TEAD1: variants seen among roughly 807,000 people sequenced by gnomAD.
TEAD1 encodes TEA domain transcription factor 1, also known as transcriptional enhancer factor TEF-1.
In TEAD1, 9 loss-of-function variants were observed where a neutral mutation model predicts 54.9. The observed-to-expected ratio is 0.16, with a 90% CI of 0.10 to 0.29. The LOEUF is 0.29. TEAD1 is among the 10% of genes least tolerant of loss of function. TEAD1 has a pLI of 1.00. For synonymous variants in TEAD1, 200 were observed against 187.8 expected (o/e 1.07, Z -0.53); for missense variants, 387 against 535.9 (o/e 0.72, Z 2.74).
In TEAD1 at chr11:12,904,754, A is replaced by G. The variant is rs527576102; in HGVS notation, c.873+2641A>G. On this transcript the variant is annotated intron_variant, in intron 10 of 12. Transcript: ENST00000527636. ...TTTGCTCAGTTTTAATTTCCAGTACAGAAAATATAGATATAACCTGTAGTA... is the reference window on the plus strand; with the variant it reads ...TTTGCTCAGTTTTAATTTCCAGTACGGAAAATATAGATATAACCTGTAGTA... The G allele has an allele frequency of 3.4e-4, 72 of 210,502 alleles. 1 individual carries two copies. The highest frequency in any genetic ancestry group is 8.1e-4 in the South Asian group (12 of 14,774). 13.0% of individuals were successfully genotyped at this position (210,502 alleles called of 1,614,324 possible).
chr11:12,864,789 C>T (rs749880101), intron 4 of TEAD1, 49 bp from the exon 5 acceptor site: 1 of 1,613,762 alleles, frequency 6.2e-7, no homozygotes, highest in South Asian at 1.1e-5. Context: ...TTTTCATCTC[C>T]ATGGTTACAG....
intron 5 of TEAD1, among the ~76,000 whole-genome samples, chr11:12,869,325 A>G (rs1364360304): frequency 6.6e-6 from 1 of 152,114 alleles, no homozygotes; most frequent in Non-Finnish European, 1.5e-5. Context: ...GGGCCAACCC[A>G]CACCCCCTGG....
At chr11:12,934,507 G>A (rs938708851) in intron 12 of TEAD1, among the ~76,000 whole-genome samples, 2 of 151,376 alleles carry the variant, frequency 1.3e-5, no homozygotes, top group African/African-American at 2.4e-5. Context: ...AAACCTGCAC[G>A]TTGTGCACAT....
intron 2 of TEAD1, 61 bp from the exon 3 acceptor site, chr11:12,764,118 A>G: frequency 9.3e-7 from 1 of 1,075,476 alleles, no homozygotes; most frequent in Non-Finnish European, 1.3e-6. Context: ...CACTAGAGCT[A>G]GCAAGAGCAT....
At chr11:12,771,807 A>G (rs963551381) in intron 3 of TEAD1, among the ~76,000 whole-genome samples, 1 of 152,158 alleles carries the variant, frequency 6.6e-6, no homozygotes, top group Non-Finnish European at 1.5e-5. Context: ...ACTGGCATGG[A>G]TATTAAATGG....
intron 11 of TEAD1, among the ~76,000 whole-genome samples, chr11:12,926,878 C>G (rs1408345367): frequency 6.6e-6 from 1 of 152,156 alleles, no homozygotes; most frequent in Non-Finnish European, 1.5e-5. Context: ...ACCAGATGAC[C>G]TCCTCGCCTC....
chr11:12,753,045 A>C (rs962326786), intron 2 of TEAD1, among the ~76,000 whole-genome samples: 6 of 143,782 alleles, frequency 4.2e-5, no homozygotes, highest in African/African-American at 1.3e-4. Flanking sequence ...GGGTCTCACT[A>C]TGTTGCCCAG....
intron 2 of TEAD1, among the ~76,000 whole-genome samples, chr11:12,731,430 A>G (rs547514313): frequency 2.0e-5 from 3 of 152,246 alleles, no homozygotes; most frequent in Non-Finnish European, 4.4e-5. Context: ...ATGTGGGTGT[A>G]TATTGTTTTT....
chr11:12,882,906 C>T, intron 8 of TEAD1, 95 bp from the exon 9 acceptor site: 5 of 1,597,960 alleles, frequency 3.1e-6, no homozygotes, highest in Admixed American at 1.7e-5. Flanking sequence ...GTTGGCATTT[C>T]CTTCTGGGTC....
At chr11:12,684,433 C>T (rs1943290318) in intron 2 of TEAD1, among the ~76,000 whole-genome samples, 1 of 152,188 alleles carries the variant, frequency 6.6e-6, no homozygotes, top group Non-Finnish European at 1.5e-5. Flanking sequence ...TTGAATGGAA[C>T]TCATCTTTTC....
rs1945820407 is a variant in TEAD1, at chr11:12,792,326, T to C, written c.202+27892T>C. ...GAAGGGTAAAGATAATATAAAAATA[T>C]CAAGAAAAGGAAAGTAAAGGGAAAA... On this transcript the variant is annotated intron_variant, in intron 3 of 12. Coordinates refer to ENST00000527636, the MANE Select transcript of TEAD1 (RefSeq NM_021961.6). 5.1e-5 allele frequency among the ~76,000 whole-genome samples: 3 copies of C among 59,308 alleles called. No homozygotes were observed. In the Admixed American group the frequency reaches 5.3e-4, roughly 10 times the overall value. The allele number at this position is 59,308 out of a possible 152,430, so 38.9% of individuals were successfully genotyped here.
intron 3 of TEAD1, among the ~76,000 whole-genome samples, chr11:12,845,590 A>G (rs1237208145): frequency 1.3e-5 from 2 of 152,190 alleles, no homozygotes; most frequent in Non-Finnish European, 2.9e-5. Context: ...CTAAATGGGA[A>G]CTGCACAGCC....
intron 5 of TEAD1, among the ~76,000 whole-genome samples, chr11:12,875,751 A>G (rs771101012): frequency 6.6e-6 from 1 of 152,196 alleles, no homozygotes; most frequent in Non-Finnish European, 1.5e-5. Flanking sequence ...TCCTTTCTAC[A>G]CTTAGCTTTC....
intron 2 of TEAD1, among the ~76,000 whole-genome samples, chr11:12,695,701 T>A (rs1943566210): frequency 6.6e-6 from 1 of 152,228 alleles, no homozygotes. Context: ...GGGGTTACTT[T>A]ATGAAAAACC....
At chr11:12,818,157 A>G (rs1457718367) in intron 3 of TEAD1, among the ~76,000 whole-genome samples, 1 of 152,162 alleles carries the variant, frequency 6.6e-6, no homozygotes, top group East Asian at 1.9e-4. Context: ...CTTTGTCCCA[A>G]ACTCTTGAGA....
At chr11:12,748,406 T>C (rs1268597761) in intron 2 of TEAD1, among the ~76,000 whole-genome samples, 1 of 152,000 alleles carries the variant, frequency 6.6e-6, no homozygotes, top group African/African-American at 2.4e-5. Flanking sequence ...CATCTTGGAG[T>C]GCGTGTGCAG....
chr11:12,896,134 C>T (rs986324454), intron 9 of TEAD1, among the ~76,000 whole-genome samples: 10 of 152,132 alleles, frequency 6.6e-5, no homozygotes, highest in East Asian at 1.9e-4. Flanking sequence ...AATTGTAAAA[C>T]GTTTTTTTCT....
chr11:12,829,086 T>C (rs992196206), intron 3 of TEAD1, among the ~76,000 whole-genome samples: 1 of 152,156 alleles, frequency 6.6e-6, no homozygotes, highest in Non-Finnish European at 1.5e-5. Context: ...TTATTGCTGA[T>C]TGAGGTAGTG....
intron 2 of TEAD1, among the ~76,000 whole-genome samples, chr11:12,754,735 G>C (rs950312947): frequency 3.3e-5 from 5 of 152,142 alleles, no homozygotes; most frequent in Non-Finnish European, 5.9e-5. Context: ...AGCAGGGCTT[G>C]GCCTTCGCAG....
Sources: allele counts gnomAD v4.1 joint callset (sites outside exome capture counted in the v4.1 genomes callset), GRCh38; gene constraint gnomAD v4.1.1; transcripts MANE v1.5; gene names NCBI Gene and HGNC (gene_info 2026-07-23, HGNC 2026-07-21).